LRP1B: variants seen among roughly 807,000 people sequenced by gnomAD.
LRP1B encodes the protein LDL receptor related protein 1B.
A neutral mutation model predicts 556.6 loss-of-function variants in LRP1B; 217 were observed. The ratio of observed to expected loss-of-function variants is 0.39; its 90% CI spans 0.35 to 0.44. The LOEUF (loss-of-function observed/expected upper bound fraction) is 0.44. Ranked by LOEUF, LRP1B falls within the 20% of genes least tolerant of loss-of-function variation. The pLI, the probability that LRP1B is intolerant of heterozygous loss-of-function variation, is 1.00. For synonymous variants in LRP1B, 2,047 were observed against 1,865.8 expected (o/e 1.10, Z -2.50); for missense variants, 5,053 against 5,620.8 (o/e 0.90, Z 3.23).
intron 2 of LRP1B, 133 bp from the exon 3 acceptor site, chr2:141,480,666 T>C (rs545930370): frequency 1.1e-6 from 1 of 877,010 alleles, no homozygotes; most frequent in Non-Finnish European, 1.9e-6. Context: ...CTGCTCTTGT[T>C]CTCAGAGACA....
intron 34 of LRP1B, among the ~76,000 whole-genome samples, 196 bp downstream of exon 34, chr2:140,770,685 T>C (rs1202435401): frequency 1.3e-5 from 2 of 152,214 alleles, no homozygotes; most frequent in Non-Finnish European, 2.9e-5. Flanking sequence ...GAATGTCTTA[T>C]AAGGCAGAAC....
intron 2 of LRP1B, among the ~76,000 whole-genome samples, chr2:141,622,045 C>T (rs528553134): frequency 4.6e-5 from 7 of 152,164 alleles, no homozygotes; most frequent in African/African-American, 1.7e-4. Flanking sequence ...GCATGCATCA[C>T]CACACCCAGC....
At chr2:141,581,949 GT>G (rs1470535015) in intron 2 of LRP1B, among the ~76,000 whole-genome samples, 1 of 152,144 alleles carries the variant, frequency 6.6e-6, no homozygotes, top group African/African-American at 2.4e-5. Context: ...GATGGCTCAA[GT>G]TTTAAAAATG....
chr2:140,407,458 C>A (rs536184956), intron 66 of LRP1B, among the ~76,000 whole-genome samples: 34 of 151,870 alleles, frequency 2.2e-4, no homozygotes, highest in Non-Finnish European at 4.1e-4. Context: ...CCAGAATGTA[C>A]AAGGAACTCA....
intron 2 of LRP1B, among the ~76,000 whole-genome samples, chr2:141,619,494 T>A (rs1385019613): frequency 1.3e-5 from 2 of 152,178 alleles, no homozygotes; most frequent in African/African-American, 4.8e-5. Flanking sequence ...GAAGAAAAGC[T>A]AAAGGTGATT....
chr2:141,346,026 C>T (rs182377332), intron 3 of LRP1B, among the ~76,000 whole-genome samples: 22 of 151,956 alleles, frequency 1.4e-4, no homozygotes, highest in Admixed American at 2.6e-4. Context: ...AAATATTCCA[C>T]TTTAAAAAGT....
At chr2:141,171,956 C>T (rs1370640956) in intron 7 of LRP1B, among the ~76,000 whole-genome samples, 4 of 152,050 alleles carry the variant, frequency 2.6e-5, no homozygotes, top group Non-Finnish European at 5.9e-5. Context: ...AAAATGGACC[C>T]CATCAGAACT....
At chr2:142,128,252 T>C (rs571749516) in intron 1 of LRP1B, among the ~76,000 whole-genome samples, 4 of 152,294 alleles carry the variant, frequency 2.6e-5, no homozygotes, top group Admixed American at 2.0e-4. Flanking sequence ...ACTTCTGATA[T>C]AGTTCATACA....
chr2:142,129,063 C>G (rs939775944), intron 1 of LRP1B, among the ~76,000 whole-genome samples: 1 of 152,148 alleles, frequency 6.6e-6, no homozygotes, highest in African/African-American at 2.4e-5. Context: ...CTGCCAGTAC[C>G]ATTATATTTT....
intron 18 of LRP1B, among the ~76,000 whole-genome samples, chr2:140,980,634 A>G (rs776310625): frequency 1.1e-4 from 17 of 152,172 alleles, no homozygotes; most frequent in Non-Finnish European, 2.2e-4. Flanking sequence ...AGCATCCTCC[A>G]AATACAGGCA....
chr2:141,220,794 C>T (rs1031170732), intron 6 of LRP1B, among the ~76,000 whole-genome samples: 6 of 149,562 alleles, frequency 4.0e-5, no homozygotes, highest in African/African-American at 1.5e-4. Flanking sequence ...AAAGAATTTC[C>T]AACCAAAAAT....
chr2:141,841,668 C>A (rs1019041708), intron 1 of LRP1B, among the ~76,000 whole-genome samples: 1 of 152,152 alleles, frequency 6.6e-6, no homozygotes, highest in Non-Finnish European at 1.5e-5. Flanking sequence ...AGTTAAGCAA[C>A]AACCAAAACT....
intron 86 of LRP1B, among the ~76,000 whole-genome samples, chr2:140,261,067 A>ATG (rs1681914765): frequency 6.6e-6 from 1 of 151,160 alleles, no homozygotes; most frequent in African/African-American, 2.4e-5. Context: ...GTATATATAT[A>ATG]TAATATATAT....
intron 41 of LRP1B, among the ~76,000 whole-genome samples, chr2:140,682,613 G>C (rs1302416627): frequency 6.6e-6 from 1 of 151,994 alleles, no homozygotes; most frequent in Non-Finnish European, 1.5e-5. Flanking sequence ...ATTGTAATAA[G>C]GTTAGGTGCA....
At chr2:141,487,089 C>T (rs1683150067) in intron 2 of LRP1B, among the ~76,000 whole-genome samples, 1 of 152,144 alleles carries the variant, frequency 6.6e-6, no homozygotes, top group Non-Finnish European at 1.5e-5. Context: ...TGCTTGGACA[C>T]ATTTCACACA....
intron 15 of LRP1B, among the ~76,000 whole-genome samples, chr2:141,002,233 A>G (rs547124708): frequency 1.3e-5 from 2 of 152,236 alleles, no homozygotes; most frequent in East Asian, 1.9e-4. Context: ...TAAAGAAAAA[A>G]AAACCTTACT....
At chr2:140,413,989 C>T (rs1223673212) in intron 66 of LRP1B, among the ~76,000 whole-genome samples, 1 of 152,124 alleles carries the variant, frequency 6.6e-6, no homozygotes. Flanking sequence ...GCAATCAGCT[C>T]ACTGCAACCT....
chr2:141,618,586 A>T (rs535707352), intron 2 of LRP1B, among the ~76,000 whole-genome samples: 2 of 152,282 alleles, frequency 1.3e-5, no homozygotes, highest in South Asian at 4.1e-4. Context: ...CATTTACATG[A>T]CCACCTGTTT....
Position 140,516,990 on chromosome 2 carries a change from T to G in LRP1B, c.8048A>C (p.Glu2683Ala), listed in dbSNP as rs374925711. 6.3e-7 allele frequency: 1 copy of G among 1,595,280 alleles called. No individual in the cohort carries two copies. The highest frequency in any genetic ancestry group is 1.3e-5 in the African/African-American group (1 of 74,574). Residue 2683 changes from glutamate to alanine, a missense_variant, in exon 50 of 91, where the codon GAA becomes GCA. Glu to Ala is a moderately radical substitution (Grantham distance 107). This residue lies in a region of LRP1B where 3,619 missense variants were observed against 3,931.9 expected (regional missense o/e 0.92). Coordinates refer to ENST00000389484, the MANE Select transcript of LRP1B (RefSeq NM_018557.3). ...KCPVQNKHKCEENYFSCPSGR... is the reference protein window; with the variant it reads ...KCPVQNKHKCAENYFSCPSGR... ...ACTAGGACAACTAAAATAATTTTCT[T>G]CACATTTGTGTTTGTTTTGAACTGT...
Sources: gnomAD v4.1 joint callset for allele counts (sites outside exome capture counted in the v4.1 genomes callset) on GRCh38, gnomAD v4.1.1 for gene constraint, gnomAD v4.1.1 regional missense constraint, MANE v1.5 for transcripts, NCBI Gene and HGNC (gene_info 2026-07-23, HGNC 2026-07-21) for gene names.